FER1L6: variants seen among roughly 807,000 people sequenced by gnomAD.
The protein encoded by FER1L6 is fer-1-like protein 6.
Under a neutral mutation model 219.2 loss-of-function variants are expected in FER1L6, and 177 were observed. The observed-to-expected ratio is 0.81, with a 90% confidence interval of 0.71 to 0.91. FER1L6 has a LOEUF of 0.91. Among genes scored for constraint, FER1L6 ranks in the 40% least tolerant of loss-of-function variants. The pLI is 0.00. For synonymous variants in FER1L6, 768 were observed against 824.3 expected (o/e 0.93, Z 1.17); for missense variants, 2,153 against 2,259.9 (o/e 0.95, Z 0.96).
intron 25 of FER1L6, among the ~76,000 whole-genome samples, chr8:124,064,063 C>T (rs1026836746): frequency 1.2e-4 from 19 of 152,050 alleles, no homozygotes; most frequent in Non-Finnish European, 2.8e-4. Flanking sequence ...TTTCATAATC[C>T]CAATGACCAC....
chr8:123,966,407 G>T, intron 5 of FER1L6, 117 bp downstream of exon 5: 3 of 1,329,810 alleles, frequency 2.3e-6, no homozygotes, highest in Non-Finnish European at 3.1e-6. Flanking sequence ...CTGGCCCCCA[G>T]TTAAGCCCAT....
chr8:124,101,030 C>G (rs1586340535), intron 37 of FER1L6, 67 bp from the exon 38 acceptor site: 1 of 1,454,702 alleles, frequency 6.9e-7, no homozygotes, highest in Non-Finnish European at 9.6e-7. Context: ...AGCTAAATCA[C>G]TTATGATTAT....
At chr8:123,887,531 C>G (rs1486180739) in intron 1 of FER1L6, among the ~76,000 whole-genome samples, 1 of 152,170 alleles carries the variant, frequency 6.6e-6, no homozygotes, top group Non-Finnish European at 1.5e-5. Context: ...ACATCTGCAT[C>G]CAGATAGGTG....
intron 1 of FER1L6, among the ~76,000 whole-genome samples, chr8:123,904,224 T>TTGTG (rs56224402): frequency 0.027 from 3,729 of 139,444 alleles, 64 homozygotes; most frequent in Admixed American, 0.033. Context: ...CTCTGTATAT[T>TTGTG]TGTGTGTGTG....
intron 13 of FER1L6, among the ~76,000 whole-genome samples, chr8:124,007,295 T>TCCCTCTCC (rs1222363861): frequency 2.0e-5 from 3 of 151,450 alleles, no homozygotes; most frequent in Non-Finnish European, 4.4e-5. Context: ...TCTCCCTCTC[T>TCCCTCTCC]CCCTCTCCCC....
At chr8:123,951,208 C>T (rs746700848) in intron 1 of FER1L6, among the ~76,000 whole-genome samples, 45 of 152,224 alleles carry the variant, frequency 3.0e-4, no homozygotes, top group African/African-American at 5.5e-4. Context: ...CAAAAACCAC[C>T]GAGCCTTTGT....
At chr8:123,920,514 A>C (rs1813328424) in intron 1 of FER1L6, among the ~76,000 whole-genome samples, 1 of 152,208 alleles carries the variant, frequency 6.6e-6, no homozygotes, top group Admixed American at 6.5e-5. Flanking sequence ...TGGCACAGTG[A>C]CCATGTCTGC....
At chr8:124,105,958 C>T (rs1171674985) in intron 39 of FER1L6, among the ~76,000 whole-genome samples, 1 of 151,966 alleles carries the variant, frequency 6.6e-6, no homozygotes, top group East Asian at 1.9e-4. Flanking sequence ...ATAGGCAAAT[C>T]CATAGAAAAT....
intron 16 of FER1L6, 122 bp downstream of exon 16, chr8:124,017,840 CAA>C (rs1162894009): frequency 1.5e-6 from 1 of 672,026 alleles, no homozygotes; most frequent in Non-Finnish European, 2.5e-6. Context: ...GATGCAGAGA[CAA>C]GAGTGAAAAG....
At chr8:123,891,944 T>G (rs574504283) in intron 1 of FER1L6, among the ~76,000 whole-genome samples, 1 of 152,302 alleles carries the variant, frequency 6.6e-6, no homozygotes, top group African/African-American at 2.4e-5. Flanking sequence ...TTCTATAAAT[T>G]AATTATAATT....
chr8:124,001,965 G>T (rs1271048059), intron 12 of FER1L6, among the ~76,000 whole-genome samples: 1 of 152,210 alleles, frequency 6.6e-6, no homozygotes, highest in Non-Finnish European at 1.5e-5. Flanking sequence ...TGGGTGGCAT[G>T]CTCTCAGGAG....
chr8:123,894,218 G>A (rs1812703584), intron 1 of FER1L6, among the ~76,000 whole-genome samples: 1 of 152,180 alleles, frequency 6.6e-6, no homozygotes, highest in Non-Finnish European at 1.5e-5. Context: ...AGAATGAAAT[G>A]CCACGCCCCT....
At chr8:124,059,561 T>C (rs894340640) in intron 22 of FER1L6, among the ~76,000 whole-genome samples, 1 of 152,214 alleles carries the variant, frequency 6.6e-6, no homozygotes, top group African/African-American at 2.4e-5. Flanking sequence ...GTAAGTCCTT[T>C]GTGTGAAATT....
chr8:124,108,589 A>C (rs1330994002), intron 39 of FER1L6, among the ~76,000 whole-genome samples: 1 of 152,188 alleles, frequency 6.6e-6, no homozygotes, highest in Non-Finnish European at 1.5e-5. Flanking sequence ...TGGTAAATGT[A>C]AGAAAAAAGA....
chr8:123,985,634 A>T (rs1395829332), intron 11 of FER1L6: 1 of 155,902 alleles, frequency 6.4e-6, no homozygotes, highest in Non-Finnish European at 1.4e-5. Context: ...AACGTATCTG[A>T]CTACCCTGTG....
rs565476740 is a variant in FER1L6, at chr8:124,111,805, G to A, written c.5290-7039G>A. ...TCTTTACTGCAACCTGTTTTATCAG[G>A]AAGGTCTTTATGACCTGTATCTTGT... is the stretch of plus-strand genomic sequence containing the variant. On this transcript the variant is annotated intron_variant, in intron 39 of 40. Transcript: ENST00000522917. The surrounding 1 kb of genome is among the most constrained non-coding windows in gnomAD (Gnocchi z 5.0). 6.6e-6 allele frequency among the ~76,000 whole-genome samples: 1 copy of A among 152,202 alleles called. No individual in the cohort carries two copies. The highest frequency in any genetic ancestry group is 1.5e-5 in the Non-Finnish European group (1 of 68,014).
Position 124,097,817 on chromosome 8 carries a change from A to C in FER1L6, c.4817A>C (p.Glu1606Ala). 1 of 1,606,104 alleles carries C rather than the reference A, an allele frequency of 6.2e-7. No homozygotes were observed. The highest frequency in any genetic ancestry group is 2.2e-5 in the East Asian group (1 of 44,828). ...YELRVTIWNT[E>A]DVILEDENIF... Reference sequence around the variant, plus strand: ...TTGAGAGTGACCATCTGGAACACTGAAGATGTCATTTTAGAGGATGAGAAT... The same window carrying C: ...TTGAGAGTGACCATCTGGAACACTGCAGATGTCATTTTAGAGGATGAGAAT... Residue 1606 changes from glutamate to alanine, a missense_variant, in exon 37 of 41, where the codon GAA (glutamate) becomes GCA (alanine). Coordinates refer to ENST00000522917, the MANE Select transcript of FER1L6 (RefSeq NM_001039112.2).
chr8:123,912,098 C>T (rs770376943), intron 1 of FER1L6, among the ~76,000 whole-genome samples: 3 of 152,108 alleles, frequency 2.0e-5, no homozygotes, highest in Admixed American at 6.5e-5. Flanking sequence ...ACGTGGTACT[C>T]ATCAAAGTGG....
At chr8:123,859,287 C>T (rs1389088686) in intron 1 of FER1L6, among the ~76,000 whole-genome samples, 1 of 152,228 alleles carries the variant, frequency 6.6e-6, no homozygotes, top group Non-Finnish European at 1.5e-5. Context: ...AGGCATGAGC[C>T]ACCATGCCTA....
Sources: gnomAD v4.1 joint callset for allele counts (sites outside exome capture counted in the v4.1 genomes callset) on GRCh38, gnomAD v4.1.1 for gene constraint, Gnocchi (gnomAD v3.1) non-coding constraint, MANE v1.5 for transcripts, NCBI Gene and HGNC (gene_info 2026-07-23, HGNC 2026-07-21) for gene names.